The following TTLL11 variants were observed in gnomAD, a reference collection of about 807,000 sequenced individuals.
The protein encoded by TTLL11 is tubulin tyrosine ligase like 11, also known as tubulin polyglutamylase TTLL11.
Under a neutral mutation model 51.7 loss-of-function variants are expected in TTLL11, and 42 were observed. The ratio of observed to expected loss-of-function variants is 0.81; its 90% CI spans 0.64 to 1.05. The LOEUF (loss-of-function observed/expected upper bound fraction) is 1.05. Ranked by LOEUF, TTLL11 falls within the 50% of genes least tolerant of loss-of-function variation. The pLI, the probability that TTLL11 is intolerant of heterozygous loss-of-function variation, is 0.00. For synonymous variants in TTLL11, 381 were observed against 383.5 expected (o/e 0.99, Z 0.08); for missense variants, 799 against 940.4 (o/e 0.85, Z 1.97).
At chr9:122,031,479 G>T (rs999863060) in intron 3 of TTLL11, among the ~76,000 whole-genome samples, 1 of 152,130 alleles carries the variant, frequency 6.6e-6, no homozygotes, top group African/African-American at 2.4e-5. Context: ...ATCCAGTTTT[G>T]ATATCCGCCT....
intron 7 of TTLL11, 104 bp downstream of exon 7, chr9:121,870,393 A>G (rs1387879215): frequency 2.8e-6 from 4 of 1,421,144 alleles, no homozygotes; most frequent in Non-Finnish European, 3.8e-6. Context: ...CTGACCCAGC[A>G]CCACAGATTC....
chr9:121,979,156 G>A (rs1842777692), intron 4 of TTLL11, among the ~76,000 whole-genome samples: 2 of 152,180 alleles, frequency 1.3e-5, no homozygotes, highest in Non-Finnish European at 2.9e-5. Context: ...ATATTGTCAT[G>A]AGCTGTCCCA....
chr9:122,037,017 C>T (rs1245501320), intron 2 of TTLL11, among the ~76,000 whole-genome samples: 2 of 152,182 alleles, frequency 1.3e-5, no homozygotes, highest in African/African-American at 4.8e-5. Context: ...GAATATCATT[C>T]TATCACCTTT....
intron 6 of TTLL11, among the ~76,000 whole-genome samples, chr9:121,896,523 G>A (rs1199594456): frequency 6.6e-6 from 1 of 152,198 alleles, no homozygotes; most frequent in Non-Finnish European, 1.5e-5. Flanking sequence ...CGACTCCAAG[G>A]CCCTCTTTCT....
intron 6 of TTLL11, among the ~76,000 whole-genome samples, chr9:121,920,525 A>G (rs1455790747): frequency 6.6e-6 from 1 of 152,248 alleles, no homozygotes; most frequent in African/African-American, 2.4e-5. Context: ...CAAATAGCCC[A>G]TCTTGCACAT....
At position 122,039,490 on chromosome 9, in the gene TTLL11, G is replaced by A. The variant is rs868173798; in HGVS notation, c.463-122C>T. 7.6e-6 allele frequency: 5 copies of A among 654,478 alleles called. No individual in the cohort carries two copies. In the East Asian group the frequency reaches 8.4e-5, roughly 11 times the overall value. The allele number at this position is 654,478 out of a possible 1,614,324, so 40.5% of individuals were successfully genotyped here. ...TACCATGGTTTAATCCTTATAATACGCATATGAGGTAAGTGATATTCTTTG... is the reference window on the plus strand; with the variant it reads ...TACCATGGTTTAATCCTTATAATACACATATGAGGTAAGTGATATTCTTTG... On this transcript the variant is annotated intron_variant, in intron 1 of 8. Coordinates refer to ENST00000321582, the MANE Select transcript of TTLL11 (RefSeq NM_001139442.2).
intron 1 of TTLL11, among the ~76,000 whole-genome samples, chr9:122,041,295 G>A (rs1844839567): frequency 6.6e-6 from 1 of 152,116 alleles, no homozygotes. Context: ...TTTAAAAACT[G>A]TCCGCTTACA....
At chr9:122,033,516 T>C (rs1204076120) in intron 2 of TTLL11, among the ~76,000 whole-genome samples, 1 of 152,202 alleles carries the variant, frequency 6.6e-6, no homozygotes, top group African/African-American at 2.4e-5. Context: ...ACTAGAAATG[T>C]GCTTGGCAAA....
At chr9:122,072,360 T>C (rs1201081719) in intron 1 of TTLL11, among the ~76,000 whole-genome samples, 3 of 151,930 alleles carry the variant, frequency 2.0e-5, no homozygotes, top group African/African-American at 7.3e-5. Context: ...ATGTTAGCAG[T>C]CAGCCAGGTG....
rs781123223 is a variant in TTLL11 at position 122,031,819 on chromosome 9, T to C, written c.597A>G (p.Arg199=). 2 of 1,614,088 alleles carry C rather than the reference T, an allele frequency of 1.2e-6. No individual in the cohort carries two copies. Among genetic ancestry groups the C allele is most frequent in the Non-Finnish European group, 1.7e-6 (2 of 1,180,010 alleles). The change falls in exon 3 of 9, where the codon AGA becomes AGG. Residue 199 remains arginine (R), a synonymous_variant. Coordinates refer to ENST00000321582, the MANE Select transcript of TTLL11 (RefSeq NM_001139442.2). ...TEMVRKITLS[R]AVRTMQNLFP... ...AGAGATTCTGCATGGTTCTCACTGC[T>C]CTGCTCAGAGTAATTTTACGCACCA...
intron 6 of TTLL11, among the ~76,000 whole-genome samples, chr9:121,952,592 A>C (rs1210416653): frequency 6.6e-6 from 1 of 152,090 alleles, no homozygotes; most frequent in Non-Finnish European, 1.5e-5. Context: ...GCATGAGAGG[A>C]ACACCTTTGG....
chr9:121,885,892 C>A (rs901940911), intron 6 of TTLL11, among the ~76,000 whole-genome samples: 1 of 152,156 alleles, frequency 6.6e-6, no homozygotes, highest in South Asian at 2.1e-4. Context: ...CCACTCCTGC[C>A]TAGTTTTGGT....
intron 1 of TTLL11, among the ~76,000 whole-genome samples, chr9:122,074,137 G>T (rs1001605568): frequency 1.3e-5 from 2 of 152,120 alleles, no homozygotes; most frequent in African/African-American, 4.8e-5. Context: ...AGCCAGGTGT[G>T]GTGGTGCGCA....
chr9:121,952,141 C>A (rs896607949), intron 6 of TTLL11, among the ~76,000 whole-genome samples: 3 of 152,154 alleles, frequency 2.0e-5, no homozygotes, highest in African/African-American at 7.2e-5. Context: ...AGCCCAACAA[C>A]ACAGCCCAAA....
At chr9:121,834,594 CAAAGCAGGTA>C (rs2119130725) in intron 8 of TTLL11, among the ~76,000 whole-genome samples, 1 of 151,898 alleles carries the variant, frequency 6.6e-6, no homozygotes, top group East Asian at 1.9e-4. Context: ...TTTGGGAGGC[CAAAGCAGGTA>C]GATCACAAGG....
chr9:121,826,555 G>A (rs796869665), intron 8 of TTLL11, among the ~76,000 whole-genome samples: 1,120 of 48,036 alleles, frequency 0.023, 60 homozygotes, highest in African/African-American at 0.065. Flanking sequence ...ATATATGTGT[G>A]TGTATATATA....
intron 4 of TTLL11, among the ~76,000 whole-genome samples, chr9:121,976,478 T>C (rs1588170077): frequency 6.6e-6 from 1 of 152,068 alleles, no homozygotes; most frequent in African/African-American, 2.4e-5. Context: ...ATGCAGAAAA[T>C]TTCTAACATA....
intron 8 of TTLL11, among the ~76,000 whole-genome samples, chr9:121,826,153 A>AATATATAT (rs10562547): frequency 9.2e-4 from 65 of 70,926 alleles, no homozygotes; most frequent in African/African-American, 3.6e-3. Context: ...ATCAAAGTAG[A>AATATATAT]ATATATATAT....
intron 6 of TTLL11, among the ~76,000 whole-genome samples, chr9:121,892,766 A>C (rs1416508085): frequency 3.9e-5 from 6 of 152,320 alleles, no homozygotes; most frequent in Admixed American, 2.6e-4. Context: ...CCTGGAAAAT[A>C]CCTCTGCCTG....
Sources: gnomAD v4.1 joint callset for allele counts (sites outside exome capture counted in the v4.1 genomes callset) on GRCh38, gnomAD v4.1.1 for gene constraint, MANE v1.5 for transcripts, NCBI Gene and HGNC (gene_info 2026-07-23, HGNC 2026-07-21) for gene names.